The following TRPM2 variants were observed in gnomAD, a reference collection of about 807,000 sequenced individuals.
The protein encoded by TRPM2 is transient receptor potential cation channel subfamily M member 2, also known as estrogen-responsive element-associated gene 1 protein.
TRPM2 carries 161 observed loss-of-function variants against 174.0 expected under a neutral mutation model. The ratio of observed to expected loss-of-function variants is 0.93; its 90% CI spans 0.81 to 1.05. The LOEUF is 1.05. Ranked by LOEUF, TRPM2 falls within the 50% of genes least tolerant of loss-of-function variation. The pLI, the probability that TRPM2 is intolerant of heterozygous loss-of-function variation, is 0.00. For missense variants in TRPM2, 2,057 were observed against 2,038.0 expected, an observed-to-expected ratio of 1.01 and a Z score of -0.18; for synonymous variants, 954 against 861.3, an observed-to-expected ratio of 1.11 and a Z score of -1.88.
chr21:44,378,891 T>G, intron 7 of TRPM2, 106 bp from the exon 8 acceptor site: 1 of 1,221,724 alleles, frequency 8.2e-7, no homozygotes, highest in Non-Finnish European at 1.2e-6. Flanking sequence ...CTCGGAGTAG[T>G]GTTAGCCAGC....
intron 8 of TRPM2, among the ~76,000 whole-genome samples, chr21:44,380,730 C>T (rs1602174022): frequency 6.6e-6 from 1 of 152,172 alleles, no homozygotes; most frequent in Non-Finnish European, 1.5e-5. Flanking sequence ...TGGTGGGCGG[C>T]CCCGTCAGAG....
chr21:44,437,117 G>A lies in TRPM2; in HGVS notation c.4117G>A (p.Glu1373Lys). ...CAGGAAGAGCATAAAGAAGATGCTGGAAGTGCTGGTGGTGAAGCTCCCTCT... is the reference window on the plus strand; with the variant it reads ...CAGGAAGAGCATAAAGAAGATGCTGAAAGTGCTGGTGGTGAAGCTCCCTCT... ...ICRKSIKKMLEVLVVKLPLSE... is the reference protein window; with the variant it reads ...ICRKSIKKMLKVLVVKLPLSE... The change falls in exon 29 of 32, where the codon GAA (glutamate) becomes AAA (lysine). Residue 1373 changes from glutamate (E) to lysine (K), a missense_variant. Physicochemically the swap from Glu to Lys is moderately conservative, Grantham distance 56. Transcript: ENST00000397928. The A allele has an allele frequency of 6.4e-7, 1 of 1,551,418 alleles. No homozygotes were observed. The highest frequency in any genetic ancestry group is 8.7e-7 in the Non-Finnish European group (1 of 1,146,924).
chr21:44,419,616 TGTGGTGGTGATTGTGATG>T (rs1439499982), intron 22 of TRPM2, among the ~76,000 whole-genome samples: 1 of 122,526 alleles, frequency 8.2e-6, no homozygotes, highest in Non-Finnish European at 1.7e-5. Context: ...ATGATGGTGA[TGTGGTGGTGATTGTGATG>T]GTGGTGGTGT....
At chr21:44,418,715 G>A (rs1009826779) in intron 22 of TRPM2, among the ~76,000 whole-genome samples, 160 bp downstream of exon 22, 6 of 152,146 alleles carry the variant, frequency 3.9e-5, no homozygotes, top group South Asian at 2.1e-4. Context: ...GCAGGCATCC[G>A]GGCCTGTGCC....
In TRPM2 at chr21:44,354,255, A is replaced by G. The variant is rs764593994; in HGVS notation, c.165+390A>G. On this transcript the variant is annotated intron_variant, in intron 1 of 31. Coordinates refer to ENST00000397928, the MANE Select transcript of TRPM2 (RefSeq NM_003307.4). This position sits in a 1 kb window ranked among gnomAD's most constrained non-coding sequence, Gnocchi z 4.3. Reference sequence around the variant, plus strand: ...AAAGACACAAGTATGTTGAAAGCACATGGCATCTTGCAGTCCCCTTGCCAG... The same window carrying G: ...AAAGACACAAGTATGTTGAAAGCACGTGGCATCTTGCAGTCCCCTTGCCAG... Among the ~76,000 whole-genome samples the G allele has an allele frequency of 2.0e-5, 3 of 152,160 alleles. No homozygotes were observed. Among genetic ancestry groups the G allele is most frequent in the Admixed American group, 6.5e-5 (1 of 15,278 alleles).
chr21:44,427,218 A>T (rs2050833049), intron 27 of TRPM2, 107 bp downstream of exon 27: 4 of 984,658 alleles, frequency 4.1e-6, no homozygotes, highest in Middle Eastern at 2.2e-4. Context: ...AACAAAATCA[A>T]AAAAAGCACG....
intron 12 of TRPM2, among the ~76,000 whole-genome samples, 193 bp downstream of exon 12, chr21:44,395,744 G>C (rs369110316): frequency 4.4e-4 from 1 of 2,270 alleles, no homozygotes; most frequent in African/African-American, 2.0e-3. Context: ...TGTGGAGGCT[G>C]TGGAGGGGTG....
chr21:44,376,906 G>A lies in TRPM2; in HGVS notation c.953-806G>A, dbSNP rs2095239664. 1.3e-5 allele frequency among the ~76,000 whole-genome samples: 2 copies of A among 151,834 alleles called. No homozygotes were observed. The highest frequency in any genetic ancestry group is 2.1e-4 in the South Asian group (1 of 4,830). ...TAGGAGCACGTTCCCTGGTGAGGGC[G>A]ATGCTGCAGTTCAGGGACCAGGGAC... On this transcript the variant is annotated intron_variant, in intron 6 of 31. Transcript: ENST00000397928. The surrounding 1 kb of genome is among the most constrained non-coding windows in gnomAD (Gnocchi z 4.2).
intron 8 of TRPM2, among the ~76,000 whole-genome samples, chr21:44,381,983 T>C (rs1569040948): frequency 7.1e-6 from 1 of 140,894 alleles, no homozygotes; most frequent in Non-Finnish European, 1.6e-5. Flanking sequence ...GATAGATAGA[T>C]AGATAGATAG....
chr21:44,412,641 T>C (rs952836368), intron 19 of TRPM2, among the ~76,000 whole-genome samples: 2 of 151,832 alleles, frequency 1.3e-5, no homozygotes, highest in Non-Finnish European at 2.9e-5. Context: ...GCTTTTGGCT[T>C]GTCTCAGGGA....
At chr21:44,403,479 C>A (rs1192536823) in intron 16 of TRPM2, among the ~76,000 whole-genome samples, 2 of 152,112 alleles carry the variant, frequency 1.3e-5, no homozygotes, top group Non-Finnish European at 2.9e-5. Context: ...CATGCACACA[C>A]ATGCATACAC....
intron 23 of TRPM2, 60 bp from the exon 24 acceptor site, chr21:44,424,792 G>A (rs553918710): frequency 8.6e-7 from 1 of 1,166,016 alleles, no homozygotes; most frequent in East Asian, 2.9e-5. Flanking sequence ...GTGGGCAGTG[G>A]GGTGTGTACC....
upstream of TRPM2, among the ~76,000 whole-genome samples, chr21:44,351,921 A>G (rs1314854671): frequency 6.6e-6 from 1 of 152,216 alleles, no homozygotes; most frequent in Admixed American, 6.5e-5. Context: ...TGAGCGTGTG[A>G]ACAGAACATG....
intron 7 of TRPM2, 148 bp from the exon 8 acceptor site, chr21:44,378,849 C>A: frequency 1.2e-6 from 1 of 828,008 alleles, no homozygotes; most frequent in Non-Finnish European, 1.9e-6. Flanking sequence ...GAGCAGGGGA[C>A]GCCACGAAAC....
At chr21:44,386,066 G>T (rs1412979428) in intron 9 of TRPM2, among the ~76,000 whole-genome samples, 2 of 152,112 alleles carry the variant, frequency 1.3e-5, no homozygotes, top group Non-Finnish European at 2.9e-5. Context: ...CAGCAAAGTA[G>T]CAGGACACAA....
At chr21:44,417,890 C>G in intron 20 of TRPM2, 37 bp from the exon 21 acceptor site, 1 of 1,593,412 alleles carries the variant, frequency 6.3e-7, no homozygotes, top group Non-Finnish European at 8.5e-7. Flanking sequence ...TGGGTAAACA[C>G]CCTGACCTCG....
Position 44,366,509 on chromosome 21 carries a change from G to C in TRPM2, c.424-245G>C, listed in dbSNP as rs2048366572. Reference sequence around the variant, plus strand: ...TGCCGTGGGGGCACGAGGGCTGGGGGAGGTTTGCTGAGGGCGATCCTGGTC... The same window carrying C: ...TGCCGTGGGGGCACGAGGGCTGGGGCAGGTTTGCTGAGGGCGATCCTGGTC... On this transcript the variant is annotated intron_variant, in intron 3 of 31. Coordinates refer to ENST00000397928, the MANE Select transcript of TRPM2 (RefSeq NM_003307.4). The surrounding 1 kb of genome is among the most constrained non-coding windows in gnomAD (Gnocchi z 6.0). Among the ~76,000 whole-genome samples, 1 of 152,158 alleles carries C rather than the reference G, an allele frequency of 6.6e-6. No homozygotes were observed. Among genetic ancestry groups the C allele is most frequent in the African/African-American group, 2.4e-5 (1 of 41,448 alleles).
intron 30 of TRPM2, 24 bp from the exon 31 acceptor site, chr21:44,440,765 G>A: frequency 6.2e-7 from 1 of 1,607,652 alleles, no homozygotes. Flanking sequence ...TCGCTGTCGG[G>A]CTTACCCTGC....
rs142059112 is a variant in TRPM2 at position 44,406,748 on chromosome 21, T to A, written c.2945T>A (p.Ile982Asn). 2.5e-6 allele frequency: 4 copies of A among 1,605,564 alleles called. No individual in the cohort carries two copies. Among genetic ancestry groups the A allele is most frequent in the African/African-American group, 1.3e-5 (1 of 74,660 alleles). Residue 982 changes from isoleucine (I) to asparagine (N), a missense_variant, in exon 19 of 32, where the codon ATC becomes AAC. Coordinates refer to ENST00000397928, the MANE Select transcript of TRPM2 (RefSeq NM_003307.4). ...YHSYLTIFGQ[I>N]PGYIDGVNFN... ...TCCTACCTCACCATCTTCGGGCAGA[T>A]CCCGGGCTACATCGACGGTAGGAGC...
Sources: gnomAD v4.1 joint callset for allele counts (sites outside exome capture counted in the v4.1 genomes callset) on GRCh38, gnomAD v4.1.1 for gene constraint, Gnocchi (gnomAD v3.1) non-coding constraint, MANE v1.5 for transcripts, NCBI Gene and HGNC (gene_info 2026-07-23, HGNC 2026-07-21) for gene names.